PHACTR1: variants seen among roughly 807,000 people sequenced by gnomAD.
PHACTR1 encodes RPEL repeat containing 1.
In PHACTR1, 16 loss-of-function variants were observed where a neutral mutation model predicts 69.2. That is an observed-to-expected ratio of 0.23 (90% CI 0.16 to 0.35). The LOEUF (loss-of-function observed/expected upper bound fraction) is 0.35, where lower values mean the gene tolerates loss of function less well. PHACTR1 is among the 10% of genes least tolerant of loss of function. PHACTR1 has a pLI of 1.00. For synonymous variants in PHACTR1, 312 were observed against 284.5 expected (o/e 1.10, Z -0.97); for missense variants, 510 against 734.7 (o/e 0.69, Z 3.54).
At chr6:12,734,072 G>T (rs749862742) in intron 3 of PHACTR1, among the ~76,000 whole-genome samples, 10 of 152,086 alleles carry the variant, frequency 6.6e-5, no homozygotes, top group Non-Finnish European at 1.2e-4. Flanking sequence ...CAGCCCCTCT[G>T]CACAGTGTCT....
chr6:12,799,914 T>C (rs1773502506), intron 4 of PHACTR1, among the ~76,000 whole-genome samples: 1 of 152,244 alleles, frequency 6.6e-6, no homozygotes, highest in African/African-American at 2.4e-5. Context: ...ACTAACGCTA[T>C]AGCATGTTAC....
chr6:13,286,128 G>T lies in PHACTR1; in HGVS notation c.1651-18G>T. On this transcript the variant is annotated intron_variant, in intron 13 of 14. Coordinates refer to ENST00000332995, the MANE Select transcript of PHACTR1 (RefSeq NM_030948.6). ...GTCTCTCTCCCATTGCACATTGATG[G>T]GCTTCTGTTGATTCCAGGCTGCCAT... 1 of 1,588,400 alleles carries T rather than the reference G, an allele frequency of 6.3e-7. No individual in the cohort carries two copies. Among genetic ancestry groups the T allele is most frequent in the South Asian group, 1.2e-5 (1 of 85,028 alleles).
chr6:12,812,977 C>T (rs1775192899), intron 4 of PHACTR1, among the ~76,000 whole-genome samples: 1 of 152,174 alleles, frequency 6.6e-6, no homozygotes, highest in Non-Finnish European at 1.5e-5. Flanking sequence ...ACCGAGGCAG[C>T]AACAGCAGAG....
intron 4 of PHACTR1, among the ~76,000 whole-genome samples, chr6:13,047,377 CAAAAAAAAAAA>C (rs35293642): frequency 1.8e-5 from 1 of 54,792 alleles, no homozygotes; most frequent in Non-Finnish European, 3.8e-5. Context: ...AACCCTGTCT[CAAAAAAAAAAA>C]AAAAAAAAAA....
intron 7 of PHACTR1, chr6:13,185,028 G>T (rs1169557129): frequency 1.5e-6 from 2 of 1,338,756 alleles, no homozygotes; most frequent in African/African-American, 1.5e-5. Flanking sequence ...GTCTTCTGGG[G>T]CAAGCAGTCC....
intron 5 of PHACTR1, among the ~76,000 whole-genome samples, chr6:13,098,244 C>G (rs1301953747): frequency 6.6e-6 from 1 of 152,182 alleles, no homozygotes; most frequent in Non-Finnish European, 1.5e-5. Flanking sequence ...AAGATTTCCT[C>G]TTACTTAGCA....
At chr6:13,070,193 G>A (rs1304447379) in intron 5 of PHACTR1, among the ~76,000 whole-genome samples, 5 of 152,084 alleles carry the variant, frequency 3.3e-5, no homozygotes, top group African/African-American at 1.2e-4. Context: ...TTACAGTTGT[G>A]TCCTTTCATT....
chr6:12,793,651 G>T (rs1243851550), intron 4 of PHACTR1, among the ~76,000 whole-genome samples: 1 of 152,158 alleles, frequency 6.6e-6, no homozygotes, highest in African/African-American at 2.4e-5. Context: ...GAATTTAGTG[G>T]TGGGATGCAC....
chr6:12,764,799 A>G (rs1033264010), intron 4 of PHACTR1, among the ~76,000 whole-genome samples: 1 of 152,128 alleles, frequency 6.6e-6, no homozygotes, highest in Admixed American at 6.5e-5. Context: ...CATCATGCAT[A>G]GAAGGAGAAA....
At chr6:13,182,434 A>C in intron 6 of PHACTR1, 85 bp from the exon 7 acceptor site, 1 of 1,431,058 alleles carries the variant, frequency 7.0e-7, no homozygotes, top group East Asian at 2.3e-5. Flanking sequence ...GTTCAGCAGC[A>C]TCTAGACTCA....
At chr6:13,228,806 A>G (rs1446745344) in intron 9 of PHACTR1, among the ~76,000 whole-genome samples, 2 of 152,252 alleles carry the variant, frequency 1.3e-5, no homozygotes, top group Admixed American at 1.3e-4. Context: ...GCGCTGGCCC[A>G]GGGCCTCACG....
rs1777997155 is a variant in PHACTR1 at position 13,272,664 on chromosome 6, T to G, written c.1392-196T>G. 6.1e-6 allele frequency: 9 copies of G among 1,477,144 alleles called. No individual in the cohort carries two copies. The South Asian group carries it at 9.6e-5, about 16-fold the overall frequency. The allele number at this position is 1,477,144 out of a possible 1,614,324, so 91.5% of individuals were successfully genotyped here. A position where few individuals can be genotyped will look rare whatever the true frequency, so the allele number is the denominator to read the frequency against. On this transcript the variant is annotated intron_variant, in intron 10 of 14. Transcript: ENST00000332995. ...AGGGCGGGGGTCAGCGGCTGTGACA[T>G]GACGCACGTGCCTCTCCTGGGCTTG...
chr6:12,795,671 T>C (rs1224092497), intron 4 of PHACTR1, among the ~76,000 whole-genome samples: 1 of 151,680 alleles, frequency 6.6e-6, no homozygotes, highest in East Asian at 1.9e-4. Flanking sequence ...ATTGTGCCCA[T>C]ACATATTAAA....
chr6:12,976,339 T>C (rs1050935136), intron 4 of PHACTR1, among the ~76,000 whole-genome samples: 4 of 152,220 alleles, frequency 2.6e-5, no homozygotes, highest in Non-Finnish European at 5.9e-5. Flanking sequence ...AAATAAGGTT[T>C]GACTTATGTG....
chr6:13,114,798 C>T (rs747713677), intron 5 of PHACTR1, among the ~76,000 whole-genome samples: 1 of 152,098 alleles, frequency 6.6e-6, no homozygotes, highest in Non-Finnish European at 1.5e-5. Flanking sequence ...ATATCTGGCC[C>T]AAAATGTCAA....
intron 5 of PHACTR1, among the ~76,000 whole-genome samples, chr6:13,139,954 T>C (rs1209121044): frequency 6.6e-6 from 1 of 152,224 alleles, no homozygotes; most frequent in Non-Finnish European, 1.5e-5. Context: ...AGGAGGACTT[T>C]AGTTTGTAAT....
intron 4 of PHACTR1, among the ~76,000 whole-genome samples, chr6:12,759,122 CAAAAAAAA>C (rs1229879368): frequency 1.9e-5 from 1 of 51,470 alleles, no homozygotes; most frequent in Non-Finnish European, 3.8e-5. Flanking sequence ...GACTCCACCT[CAAAAAAAA>C]AAAAAAAAAA....
chr6:13,014,173 G>A (rs1799837595), intron 4 of PHACTR1, among the ~76,000 whole-genome samples: 2 of 151,964 alleles, frequency 1.3e-5, no homozygotes, highest in South Asian at 4.2e-4. Flanking sequence ...CGGCGGCGGC[G>A]AGCGCGGGAG....
chr6:13,107,822 C>T (rs541919274), intron 5 of PHACTR1, among the ~76,000 whole-genome samples: 1 of 151,826 alleles, frequency 6.6e-6, no homozygotes, highest in South Asian at 2.1e-4. Context: ...AAAGACACAC[C>T]CTTTAGTTTC....
Sources: allele counts gnomAD v4.1 joint callset (sites outside exome capture counted in the v4.1 genomes callset), GRCh38; gene constraint gnomAD v4.1.1; transcripts MANE v1.5; gene names NCBI Gene and HGNC (gene_info 2026-07-23, HGNC 2026-07-21).